The following ALDH6A1 variants were observed in gnomAD, a reference collection of about 807,000 sequenced individuals.
The protein encoded by ALDH6A1 is methylmalonate-semialdehyde/malonate-semialdehyde dehydrogenase [acylating], mitochondrial.
ALDH6A1 carries 43 observed loss-of-function variants against 62.6 expected under a neutral mutation model. The ratio of observed to expected loss-of-function variants is 0.69; its 90% CI spans 0.54 to 0.89. The LOEUF is 0.89. Among genes scored for constraint, ALDH6A1 ranks in the 40% least tolerant of loss-of-function variants. The probability of loss-of-function intolerance (pLI) is 0.00; values close to 1 mark genes in which losing one functional copy is unlikely to be tolerated. For synonymous variants in ALDH6A1, 194 were observed against 234.2 expected, an observed-to-expected ratio of 0.83 and a Z score of 1.57; for missense variants, 551 against 661.3, an observed-to-expected ratio of 0.83 and a Z score of 1.83.
chr14:74,073,850 G>A (rs1287460810), intron 2 of ALDH6A1, among the ~76,000 whole-genome samples: 1 of 150,784 alleles, frequency 6.6e-6, no homozygotes, highest in East Asian at 2.0e-4. Context: ...CCTGGGAGGT[G>A]GAGGTTGCAG....
rs764348544 is a variant in ALDH6A1, at chr14:74,071,451, C to T, written c.474G>A (p.Glu158=). The T allele has an allele frequency of 1.9e-6, 3 of 1,614,136 alleles. No homozygotes were observed. Among genetic ancestry groups the T allele is most frequent in the Non-Finnish European group, 2.5e-6 (3 of 1,180,036 alleles). Residue 158 remains glutamate (E), a synonymous_variant, in exon 6 of 12, where the codon GAG becomes GAA. Transcript: ENST00000553458. ...ACSVTSLMMG[E]TMPSITKDMD... ...TGTCTTTGGTGATGGATGGCATGGT[C>T]TCTCCCATCATGAGGGATGTCACAC...
At chr14:74,081,252 C>T (rs1215779123) in intron 1 of ALDH6A1, 2 of 152,140 alleles carry the variant, frequency 1.3e-5, no homozygotes, top group Non-Finnish European at 2.9e-5. Flanking sequence ...GTCCCCAGCC[C>T]CTAGCACAAT....
At chr14:74,069,097 TTTTC>T (rs1667236515) in intron 6 of ALDH6A1, 116 bp from the exon 7 acceptor site, 1 of 1,034,434 alleles carries the variant, frequency 9.7e-7, no homozygotes, top group Non-Finnish European at 1.3e-6. Flanking sequence ...TTCTTTTACT[TTTTC>T]TTTTTTTTTT....
At position 74,066,872 on chromosome 14, in the gene ALDH6A1, C is replaced by T. The variant is rs144401884; in HGVS notation, c.1057G>A (p.Ala353Thr). 48 of 1,613,864 alleles carry T rather than the reference C, an allele frequency of 3.0e-5. No homozygotes were observed. The highest frequency in any genetic ancestry group is 3.8e-5 in the Non-Finnish European group (45 of 1,179,926). The change falls in exon 9 of 12, where the codon GCT becomes ACT. Residue 353 changes from alanine (A) to threonine (T), a missense_variant. Physicochemically the swap from Ala to Thr is moderately conservative, Grantham distance 58. Transcript: ENST00000553458. Reference sequence around the variant, plus strand: ...GGAGTGATCAGAGGGCCAAGATCAGCTCCAGGCTGATCTCCTGTAAAACAA... The same window carrying T: ...GGAGTGATCAGAGGGCCAAGATCAGTTCCAGGCTGATCTCCTGTAAAACAA... Reference protein sequence around the residue: ...LRVNAGDQPGADLGPLITPQA... With the variant: ...LRVNAGDQPGTDLGPLITPQA...
chr14:74,074,748 G>C (rs965862449), intron 2 of ALDH6A1, among the ~76,000 whole-genome samples: 1 of 152,118 alleles, frequency 6.6e-6, no homozygotes, highest in African/African-American at 2.4e-5. Context: ...CAACTATCTG[G>C]CAGGGTCAGC....
intron 1 of ALDH6A1, chr14:74,082,959 C>T (rs1402586652): frequency 1.3e-5 from 2 of 152,044 alleles, no homozygotes; most frequent in African/African-American, 4.8e-5. Flanking sequence ...AGGAAAAAAG[C>T]CAATTTCAGT....
At chr14:74,076,472 C>T (rs543405269) in intron 1 of ALDH6A1, among the ~76,000 whole-genome samples, 1 of 152,264 alleles carries the variant, frequency 6.6e-6, no homozygotes, top group African/African-American at 2.4e-5. Context: ...AGCGATTCTC[C>T]TGCCTCAGCC....
At chr14:74,061,776 ACTCT>A (rs1306888039) in intron 11 of ALDH6A1, among the ~76,000 whole-genome samples, 5 of 152,210 alleles carry the variant, frequency 3.3e-5, no homozygotes, top group South Asian at 2.1e-4. Context: ...AGCATATTTA[ACTCT>A]CTCTATATAT....
intron 1 of ALDH6A1, chr14:74,078,312 G>T (rs780708235): frequency 1.3e-5 from 6 of 454,468 alleles, no homozygotes; most frequent in South Asian, 7.8e-5. Context: ...AAGTGACCGA[G>T]ACAGTGGTGC....
rs1008793330 is a variant in ALDH6A1, at chr14:74,072,048, A to G, written c.349-74T>C. The G allele has an allele frequency of 2.5e-6, 4 of 1,576,202 alleles. No individual in the cohort carries two copies. In the Admixed American group the frequency reaches 6.7e-5, roughly 26 times the overall value. On this transcript the variant is annotated intron_variant, in intron 4 of 11. Coordinates refer to ENST00000553458, the MANE Select transcript of ALDH6A1 (RefSeq NM_005589.4). ...TTAAATTCTGAGGTAGCAAAGGAAG[A>G]ATAAGACTGGAGGAGATGCAGTACA...
chr14:74,082,196 C>T (rs2060674995), intron 1 of ALDH6A1, among the ~76,000 whole-genome samples: 1 of 152,076 alleles, frequency 6.6e-6, no homozygotes, highest in Admixed American at 6.6e-5. Context: ...CAGAGCGAGA[C>T]CCTGTCTCGA....
rs777419828 is a variant in ALDH6A1, at chr14:74,060,208, C to T, written c.*434G>A. ...TTTTTAAATAATAGATACGGGGTTT[C>T]GCCACGTTCTTCAACTCCTGGGCTC... On this transcript the variant is annotated 3_prime_UTR_variant, in exon 12 of 12. Transcript: ENST00000553458. 4.4e-5 allele frequency: 7 copies of T among 159,762 alleles called. No homozygotes were observed. The highest frequency in any genetic ancestry group is 1.8e-4 in the South Asian group (1 of 5,558). The allele number at this position is 159,762 out of a possible 1,614,324, so 9.9% of individuals were successfully genotyped here.
chr14:74,072,409 C>G (rs753544118), intron 3 of ALDH6A1, 45 bp from the exon 4 acceptor site: 2 of 1,613,870 alleles, frequency 1.2e-6, no homozygotes, highest in African/African-American at 2.7e-5. Context: ...GACTCACCTT[C>G]TCCACTGTAC....
At chr14:74,066,332 A>AT (rs1353884177) in intron 9 of ALDH6A1, among the ~76,000 whole-genome samples, 13 of 152,226 alleles carry the variant, frequency 8.5e-5, no homozygotes, top group African/African-American at 2.9e-4. Context: ...AAAATTAATC[A>AT]TATATAAAAT....
intron 10 of ALDH6A1, 72 bp downstream of exon 10, chr14:74,065,109 C>T: frequency 6.4e-7 from 1 of 1,564,076 alleles, no homozygotes. Flanking sequence ...CAATGACTCA[C>T]CATTATTTAC....
chr14:74,076,295 C>A (rs756280797), intron 1 of ALDH6A1, among the ~76,000 whole-genome samples: 2 of 152,040 alleles, frequency 1.3e-5, no homozygotes, highest in Non-Finnish European at 2.9e-5. Context: ...AATCAGTAAA[C>A]GGGGAGGATC....
At position 74,075,633 on chromosome 14, in the gene ALDH6A1, GAAGA is replaced by G. The variant is rs145085402; in HGVS notation, c.49-620_49-617del. 9.9e-3 allele frequency among the ~76,000 whole-genome samples: 1,503 copies of G among 151,610 alleles called. 27 individuals are homozygous for G. The highest frequency in any genetic ancestry group is 0.034 in the African/African-American group (1,407 of 41,210). ...GATTATGCCACTGCACTCCAGCCAGGAAGAGAGAGGGAGACCTTGTCTCAAAAAA... is the reference window on the plus strand; with the variant it reads ...GATTATGCCACTGCACTCCAGCCAGGGAGAGGGAGACCTTGTCTCAAAAAA... On this transcript the variant is annotated intron_variant, in intron 1 of 11. Coordinates refer to ENST00000553458, the MANE Select transcript of ALDH6A1 (RefSeq NM_005589.4).
intron 11 of ALDH6A1, chr14:74,064,591 G>C: frequency 8.4e-7 from 1 of 1,191,068 alleles, no homozygotes. Context: ...CAAAGGCTTA[G>C]ACTTCCCCAT....
chr14:74,073,437 C>T (rs2060576470), intron 2 of ALDH6A1, among the ~76,000 whole-genome samples: 1 of 152,078 alleles, frequency 6.6e-6, no homozygotes, highest in Non-Finnish European at 1.5e-5. Context: ...CACAGCCTCT[C>T]AATACTGTGA....
Sources: gnomAD v4.1 joint callset for allele counts (sites outside exome capture counted in the v4.1 genomes callset) on GRCh38, gnomAD v4.1.1 for gene constraint, MANE v1.5 for transcripts, NCBI Gene and HGNC (gene_info 2026-07-23, HGNC 2026-07-21) for gene names.